COL4A3: variants seen among roughly 807,000 people sequenced by gnomAD.
The protein encoded by COL4A3 is collagen alpha-3(IV) chain.
A neutral mutation model predicts 217.4 loss-of-function variants in COL4A3; 135 were observed. The ratio of observed to expected loss-of-function variants is 0.62; its 90% confidence interval spans 0.54 to 0.72. COL4A3 has a LOEUF of 0.72. Among genes scored for constraint, COL4A3 ranks in the 30% least tolerant of loss-of-function variants. The probability of loss-of-function intolerance (pLI) is 0.00; values close to 1 mark genes in which losing one functional copy is unlikely to be tolerated. For synonymous variants in COL4A3, 690 were observed against 736.3 expected (o/e 0.94, Z 1.02); for missense variants, 1,868 against 2,119.9 (o/e 0.88, Z 2.33).
intron 34 of COL4A3, among the ~76,000 whole-genome samples, chr2:227,285,890 T>G (rs6707977): frequency 0.75 from 113,729 of 152,046 alleles, 44,379 homozygotes; most frequent in Non-Finnish European, 0.87. Context: ...AACAAAAAAA[T>G]AACCTGTATC....
intron 31 of COL4A3, 116 bp downstream of exon 31, chr2:227,281,122 A>G (rs184437061): frequency 3.2e-5 from 24 of 743,090 alleles, no homozygotes; most frequent in Non-Finnish European, 4.4e-5. Context: ...CCACTGTTCA[A>G]TGAGAAATAC....
chr2:227,247,336 A>G (rs1559863111), intron 7 of COL4A3, among the ~76,000 whole-genome samples: 1 of 152,116 alleles, frequency 6.6e-6, no homozygotes, highest in African/African-American at 2.4e-5. Flanking sequence ...GAACTGAGGA[A>G]TGGGTGGGAA....
intron 1 of COL4A3, among the ~76,000 whole-genome samples, chr2:227,217,666 A>G (rs951623491): frequency 6.6e-6 from 1 of 152,218 alleles, no homozygotes; most frequent in Non-Finnish European, 1.5e-5. Flanking sequence ...AAAATTATCA[A>G]TATGCCATCT....
At position 227,253,468 on chromosome 2, in the gene COL4A3, A is replaced by G. The variant is rs2069920466; in HGVS notation, c.688-93A>G. On this transcript the variant is annotated intron_variant, in intron 12 of 51. Coordinates refer to ENST00000396578, the MANE Select transcript of COL4A3 (RefSeq NM_000091.5). This position sits in a 1 kb window ranked among gnomAD's most constrained non-coding sequence, Gnocchi z 4.4. ...ATTTGTTCTATCTTCCCGTATAAGC[A>G]CTAAAGGGGAAAAGTAGACCTTTCA... 3 of 1,405,594 alleles carry G rather than the reference A, an allele frequency of 2.1e-6. No homozygotes were observed. The highest frequency in any genetic ancestry group is 3.0e-6 in the Non-Finnish European group (3 of 989,912). 87.1% of individuals were successfully genotyped at this position (1,405,594 alleles called of 1,614,324 possible).
Position 227,279,780 on chromosome 2 carries a change from T to C in COL4A3, c.2126-13T>C. The C allele has an allele frequency of 1.2e-5, 19 of 1,575,186 alleles. No individual in the cohort carries two copies. Among genetic ancestry groups the C allele is most frequent in the Non-Finnish European group, 1.5e-5 (17 of 1,151,652 alleles). On this transcript the variant is annotated splice_polypyrimidine_tract_variant and intron_variant, in intron 28 of 51. Coordinates refer to ENST00000396578, the MANE Select transcript of COL4A3 (RefSeq NM_000091.5). ...CTAATCCTACAACAATGTTTATTGT[T>C]TTTTCTCTGTAGGAGACCAAGGTTT...
At chr2:227,176,513 A>T (rs2065680398) in intron 1 of COL4A3, among the ~76,000 whole-genome samples, 1 of 152,190 alleles carries the variant, frequency 6.6e-6, no homozygotes, top group African/African-American at 2.4e-5. Context: ...TTCTAGCGGT[A>T]GTTTTAGGGT....
At chr2:227,301,476 A>C (rs1403232230) in intron 43 of COL4A3, among the ~76,000 whole-genome samples, 3 of 152,156 alleles carry the variant, frequency 2.0e-5, no homozygotes, top group African/African-American at 7.2e-5. Context: ...CTAACTTTAA[A>C]AGTTTTTTTG....
In COL4A3 at chr2:227,250,644, G is replaced by A. The variant is rs753208410; in HGVS notation, c.547-496G>A. Among the ~76,000 whole-genome samples the A allele has an allele frequency of 2.2e-4, 34 of 152,212 alleles. No homozygotes were observed. The highest frequency in any genetic ancestry group is 4.6e-4 in the Non-Finnish European group (31 of 68,032). ...AAGTAAAAATAATGCACGAAAGCAG[G>A]ATAGGAAGTGTCTGGGTTGGAAGGT... On this transcript the variant is annotated intron_variant, in intron 9 of 51. Transcript: ENST00000396578. The surrounding 1 kb of genome is among the most constrained non-coding windows in gnomAD (Gnocchi z 4.1).
At chr2:227,275,827 T>C (rs1305673073) in intron 26 of COL4A3, among the ~76,000 whole-genome samples, 1 of 152,130 alleles carries the variant, frequency 6.6e-6, no homozygotes, top group Non-Finnish European at 1.5e-5. Context: ...AGCCACCCAA[T>C]AAATAAGTAT....
intron 1 of COL4A3, among the ~76,000 whole-genome samples, chr2:227,197,829 A>G (rs922452236): frequency 6.6e-6 from 1 of 152,186 alleles, no homozygotes; most frequent in Non-Finnish European, 1.5e-5. Context: ...GAGGTAGGTT[A>G]CAACAATTAT....
At chr2:227,269,819 A>C (rs963989574) in intron 23 of COL4A3, 91 bp from the exon 24 acceptor site, 2 of 1,082,704 alleles carry the variant, frequency 1.8e-6, no homozygotes, top group Non-Finnish European at 2.8e-6. Flanking sequence ...CCCCACAAGG[A>C]AACACTCTAT....
intron 20 of COL4A3, 74 bp from the exon 21 acceptor site, chr2:227,263,706 T>C: frequency 7.2e-7 from 1 of 1,397,704 alleles, no homozygotes; most frequent in Non-Finnish European, 9.9e-7. Context: ...ATTAAATCAC[T>C]CTTGCAATTA....
At position 227,191,306 on chromosome 2, in the gene COL4A3, A is replaced by T. The variant is rs2066230907; in HGVS notation, c.87+26493A>T. Among the ~76,000 whole-genome samples the T allele has an allele frequency of 6.6e-6, 1 of 152,144 alleles. No individual in the cohort carries two copies. The highest frequency in any genetic ancestry group is 2.4e-5 in the African/African-American group (1 of 41,432). Reference sequence around the variant, plus strand: ...TGGATTTTTTTTTTGTAAAGGACGCAAAAGTTTAAGACTGTTGGCATATAC... The same window carrying T: ...TGGATTTTTTTTTTGTAAAGGACGCTAAAGTTTAAGACTGTTGGCATATAC... On this transcript the variant is annotated intron_variant, in intron 1 of 51. Transcript: ENST00000396578. The surrounding 1 kb of genome is among the most constrained non-coding windows in gnomAD (Gnocchi z 6.8).
At chr2:227,201,146 GCTCAA>G (rs1403791168) in intron 1 of COL4A3, among the ~76,000 whole-genome samples, 3 of 152,066 alleles carry the variant, frequency 2.0e-5, no homozygotes, top group Admixed American at 2.0e-4. Flanking sequence ...CAGCTAATCA[GCTCAA>G]GAAGAAAGAA....
intron 1 of COL4A3, among the ~76,000 whole-genome samples, chr2:227,170,870 A>G (rs890038035): frequency 5.9e-5 from 9 of 152,186 alleles, no homozygotes; most frequent in African/African-American, 2.2e-4. Flanking sequence ...CTGGATGTTA[A>G]TGTTATCATT....
At position 227,307,699 on chromosome 2, in the gene COL4A3, G is replaced by GT. The variant is rs779835160; in HGVS notation, c.4253-5dup. 68 of 1,613,286 alleles carry GT rather than the reference G, an allele frequency of 4.2e-5. No homozygotes were observed. In the East Asian group the frequency reaches 9.8e-4, roughly 23 times the overall value. ...GTGTATGTTGCAACATTTAGAATGTGTTTTTTGAAGGACCAGCTGGATCAG... is the reference window on the plus strand; with the variant it reads ...GTGTATGTTGCAACATTTAGAATGTGTTTTTTTGAAGGACCAGCTGGATCAG... On this transcript the variant is annotated splice_polypyrimidine_tract_variant and intron_variant, in intron 47 of 51. Coordinates refer to ENST00000396578, the MANE Select transcript of COL4A3 (RefSeq NM_000091.5).
intron 1 of COL4A3, among the ~76,000 whole-genome samples, chr2:227,207,687 A>G (rs1051886235): frequency 1.3e-5 from 2 of 152,326 alleles, no homozygotes; most frequent in African/African-American, 2.4e-5. Context: ...TGGTGTCTTC[A>G]TGGGCAGAAA....
intron 3 of COL4A3, among the ~76,000 whole-genome samples, chr2:227,242,676 A>G (rs1486121387): frequency 6.6e-6 from 1 of 152,170 alleles, no homozygotes; most frequent in Non-Finnish European, 1.5e-5. Flanking sequence ...ATATTAGAAC[A>G]AAAGATGGTC....
intron 1 of COL4A3, among the ~76,000 whole-genome samples, chr2:227,174,750 G>C (rs942268142): frequency 6.6e-6 from 1 of 152,084 alleles, no homozygotes. Flanking sequence ...GAAGTGATCC[G>C]CTCACCTTGG....
Sources: gnomAD v4.1 joint callset for allele counts (sites outside exome capture counted in the v4.1 genomes callset) on GRCh38, gnomAD v4.1.1 for gene constraint, Gnocchi (gnomAD v3.1) non-coding constraint, MANE v1.5 for transcripts, NCBI Gene and HGNC (gene_info 2026-07-23, HGNC 2026-07-21) for gene names.